Variants in NRXN3 observed in about 807,000 individuals in gnomAD.
The protein encoded by NRXN3 is neurexin 3.
Under a neutral mutation model 137.6 loss-of-function variants are expected in NRXN3, and 32 were observed. The observed-to-expected ratio is 0.23, with a 90% CI of 0.18 to 0.31. NRXN3 has a LOEUF of 0.31. Ranked by LOEUF, NRXN3 falls within the 10% of genes least tolerant of loss-of-function variation. The probability of loss-of-function intolerance (pLI) is 1.00; values close to 1 mark genes in which losing one functional copy is unlikely to be tolerated. For missense variants in NRXN3, 1,574 were observed against 2,062.5 expected, an observed-to-expected ratio of 0.76 and a Z score of 4.59; for synonymous variants, 798 against 784.5, an observed-to-expected ratio of 1.02 and a Z score of -0.29.
chr14:78,414,075 G>A (rs2092994774), intron 4 of NRXN3, among the ~76,000 whole-genome samples: 2 of 152,146 alleles, frequency 1.3e-5, no homozygotes, highest in Admixed American at 1.3e-4. Context: ...CCATGATAGT[G>A]AGGCCTCCCC....
At chr14:79,565,316 C>A (rs373935139) in intron 16 of NRXN3, among the ~76,000 whole-genome samples, 2 of 119,914 alleles carry the variant, frequency 1.7e-5, no homozygotes, top group African/African-American at 7.7e-5. Flanking sequence ...TATACACACA[C>A]ATGTGTGTGT....
intron 4 of NRXN3, among the ~76,000 whole-genome samples, chr14:78,298,436 T>C (rs2153527753): frequency 6.6e-6 from 1 of 152,348 alleles, no homozygotes; most frequent in African/African-American, 2.4e-5. Flanking sequence ...GGCAGAATAC[T>C]AACTCATTAT....
intron 2 of NRXN3, among the ~76,000 whole-genome samples, chr14:78,259,532 C>T (rs2070329117): frequency 6.6e-6 from 1 of 152,134 alleles, no homozygotes; most frequent in Non-Finnish European, 1.5e-5. Flanking sequence ...CCTCTGGTCT[C>T]TGTGGGCTGA....
chr14:79,345,993 A>G (rs1427021709), intron 15 of NRXN3, among the ~76,000 whole-genome samples: 1 of 152,202 alleles, frequency 6.6e-6, no homozygotes, highest in Non-Finnish European at 1.5e-5. Flanking sequence ...TTCTGCCTCT[A>G]TCAACCTACA....
At chr14:79,809,179 C>A (rs1300862545) in intron 20 of NRXN3, among the ~76,000 whole-genome samples, 1 of 152,142 alleles carries the variant, frequency 6.6e-6, no homozygotes, top group Non-Finnish European at 1.5e-5. Context: ...TAAAATTAAA[C>A]CTATTGACTC....
intron 4 of NRXN3, among the ~76,000 whole-genome samples, chr14:78,503,608 G>A (rs1361677673): frequency 2.6e-5 from 4 of 152,122 alleles, no homozygotes; most frequent in Non-Finnish European, 5.9e-5. Context: ...TAGGTTAGGG[G>A]CTTGGTCAGG....
intron 8 of NRXN3, among the ~76,000 whole-genome samples, chr14:78,763,393 G>T (rs375495550): frequency 1.3e-5 from 2 of 152,112 alleles, no homozygotes; most frequent in East Asian, 3.9e-4. Flanking sequence ...ACCTTGAAAT[G>T]TTGTTGTAAG....
At chr14:79,485,420 C>T (rs773713535) in intron 16 of NRXN3, among the ~76,000 whole-genome samples, 1 of 152,108 alleles carries the variant, frequency 6.6e-6, no homozygotes, top group Non-Finnish European at 1.5e-5. Flanking sequence ...AGTTATATCA[C>T]CTTCTGAGAC....
At chr14:78,580,794 C>T (rs1185522273) in intron 4 of NRXN3, among the ~76,000 whole-genome samples, 1 of 152,182 alleles carries the variant, frequency 6.6e-6, no homozygotes, top group Non-Finnish European at 1.5e-5. Flanking sequence ...AAAGTAGTAA[C>T]TCTTCTTTGG....
intron 6 of NRXN3, among the ~76,000 whole-genome samples, chr14:78,693,794 T>C (rs2098197960): frequency 6.6e-6 from 1 of 151,336 alleles, no homozygotes; most frequent in Non-Finnish European, 1.5e-5. Flanking sequence ...TCGTCACTCT[T>C]CTGAACCAGA....
At chr14:78,895,128 C>T (rs924169699) in intron 10 of NRXN3, among the ~76,000 whole-genome samples, 3 of 151,778 alleles carry the variant, frequency 2.0e-5, no homozygotes, top group African/African-American at 7.3e-5. Flanking sequence ...TCAGCCCGCC[C>T]TTTGAAGTCA....
chr14:78,256,859 T>A (rs1444055308), intron 2 of NRXN3, among the ~76,000 whole-genome samples: 3 of 152,220 alleles, frequency 2.0e-5, no homozygotes, highest in African/African-American at 7.2e-5. Flanking sequence ...TGATCAACAC[T>A]CAAATCTACC....
intron 12 of NRXN3, 63 bp from the exon 13 acceptor site, chr14:78,967,145 A>T: frequency 7.0e-7 from 1 of 1,433,028 alleles, no homozygotes; most frequent in East Asian, 2.4e-5. Flanking sequence ...AGTTACACAC[A>T]TATAGCCATT....
intron 16 of NRXN3, among the ~76,000 whole-genome samples, chr14:79,616,377 T>C (rs2098156301): frequency 6.6e-6 from 1 of 152,242 alleles, no homozygotes; most frequent in Non-Finnish European, 1.5e-5. Flanking sequence ...GTAGAATTGG[T>C]GAATCTACTC....
chr14:78,920,206 C>G (rs534888208), intron 10 of NRXN3, among the ~76,000 whole-genome samples: 1 of 152,126 alleles, frequency 6.6e-6, no homozygotes, highest in Non-Finnish European at 1.5e-5. Context: ...CAATCTAGAG[C>G]CTGGCCTGCC....
At chr14:78,993,171 G>C (rs1478771202) in intron 15 of NRXN3, among the ~76,000 whole-genome samples, 4 of 152,136 alleles carry the variant, frequency 2.6e-5, no homozygotes, top group Non-Finnish European at 5.9e-5. Flanking sequence ...GTTGGCTATT[G>C]ATTGGCCTTT....
At chr14:78,406,538 G>A (rs1374868153) in intron 4 of NRXN3, among the ~76,000 whole-genome samples, 3 of 152,184 alleles carry the variant, frequency 2.0e-5, no homozygotes, top group African/African-American at 4.8e-5. Context: ...GGTAGAAGAA[G>A]GGGAACGAAT....
intron 19 of NRXN3, among the ~76,000 whole-genome samples, chr14:79,790,761 T>C (rs1244758818): frequency 6.6e-6 from 1 of 151,758 alleles, no homozygotes. Context: ...TCTGGGATTA[T>C]AGATGCATGC....
chr14:78,868,133 A>C (rs932117311), intron 10 of NRXN3, among the ~76,000 whole-genome samples: 3 of 151,624 alleles, frequency 2.0e-5, no homozygotes, highest in African/African-American at 7.3e-5. Flanking sequence ...TCTTTATTAC[A>C]GGAGCCTTAT....
Sources: allele counts gnomAD v4.1 joint callset (sites outside exome capture counted in the v4.1 genomes callset), GRCh38; gene constraint gnomAD v4.1.1; transcripts MANE v1.5; gene names NCBI Gene and HGNC (gene_info 2026-07-23, HGNC 2026-07-21).